The following TAFA1 variants were observed in gnomAD, a reference collection of about 807,000 sequenced individuals.
The protein encoded by TAFA1 is chemokine-like protein TAFA-1.
In TAFA1, 4 loss-of-function variants were observed where a neutral mutation model predicts 18.5. That is an observed-to-expected ratio of 0.22 (90% CI 0.11 to 0.49). TAFA1 has a LOEUF of 0.49. Among genes scored for constraint, TAFA1 ranks in the 20% least tolerant of loss-of-function variants. The probability of loss-of-function intolerance (pLI) is 0.98; values close to 1 mark genes in which losing one functional copy is unlikely to be tolerated. For missense variants in TAFA1, 147 were observed against 169.0 expected (o/e 0.87, Z 0.72); for synonymous variants, 56 against 55.2 (o/e 1.01, Z -0.06).
intron 3 of TAFA1, among the ~76,000 whole-genome samples, chr3:68,530,687 A>AT (rs1230377293): frequency 2.0e-5 from 3 of 152,144 alleles, no homozygotes; most frequent in Non-Finnish European, 4.4e-5. Flanking sequence ...CAAGTTTCTC[A>AT]TGGCTTCGAA....
intron 2 of TAFA1, among the ~76,000 whole-genome samples, chr3:68,406,207 C>T (rs775452525): frequency 3.9e-5 from 6 of 151,918 alleles, no homozygotes; most frequent in Non-Finnish European, 8.8e-5. Context: ...TTAGTATAGC[C>T]AGAGGAGTTA....
At chr3:68,542,311 A>G (rs1055016940) in intron 4 of TAFA1, among the ~76,000 whole-genome samples, 9 of 152,116 alleles carry the variant, frequency 5.9e-5, no homozygotes, top group African/African-American at 2.2e-4. Flanking sequence ...CGTCTGCTTG[A>G]TCATTGCTTC....
chr3:68,267,616 T>A (rs929642063), intron 2 of TAFA1, among the ~76,000 whole-genome samples: 3 of 152,156 alleles, frequency 2.0e-5, no homozygotes, highest in African/African-American at 7.2e-5. Flanking sequence ...CTGATTATGT[T>A]GATATTTCTC....
chr3:68,480,168 G>A (rs567316300), intron 3 of TAFA1, among the ~76,000 whole-genome samples: 1 of 151,442 alleles, frequency 6.6e-6, no homozygotes, highest in Non-Finnish European at 1.5e-5. Context: ...CAGGGCAGGT[G>A]GATCACAAGG....
the TAFA1 span, among the ~76,000 whole-genome samples, chr3:67,993,446 G>A: frequency 6.6e-6 from 1 of 152,228 alleles, no homozygotes; most frequent in East Asian, 1.9e-4. Flanking sequence ...CCAATGATCT[G>A]GGAAAACTTA....
At chr3:68,413,504 T>G (rs897279976) in intron 2 of TAFA1, among the ~76,000 whole-genome samples, 1 of 152,192 alleles carries the variant, frequency 6.6e-6, no homozygotes, top group Non-Finnish European at 1.5e-5. Flanking sequence ...GCTGTAAGTC[T>G]GTATCATCTC....
intron 3 of TAFA1, among the ~76,000 whole-genome samples, chr3:68,422,707 T>C (rs1210040426): frequency 6.6e-6 from 1 of 152,080 alleles, no homozygotes; most frequent in African/African-American, 2.4e-5. Context: ...TTTCTAATAA[T>C]TGAAAACACC....
intron 2 of TAFA1, among the ~76,000 whole-genome samples, chr3:68,288,857 G>C (rs2068062717): frequency 6.6e-6 from 1 of 152,072 alleles, no homozygotes; most frequent in Non-Finnish European, 1.5e-5. Flanking sequence ...CTAGCCTGTA[G>C]GGAGAAAAAA....
chr3:68,225,117 C>T (rs2066781387), intron 2 of TAFA1, among the ~76,000 whole-genome samples: 1 of 151,664 alleles, frequency 6.6e-6, no homozygotes, highest in Non-Finnish European at 1.5e-5. Flanking sequence ...ACCATGTTGG[C>T]CAGGCTGGTC....
Position 68,261,283 on chromosome 3 carries a change from G to T in TAFA1, c.119-155997G>T, listed in dbSNP as rs140094787. On this transcript the variant is annotated intron_variant, in intron 2 of 4. Coordinates refer to ENST00000478136, the MANE Select transcript of TAFA1 (RefSeq NM_213609.4). ...GGAAAAAACAGGTGCTGGAGAGGATGTGGAGAATTAGGAACACTTTGACAC... is the reference window on the plus strand; with the variant it reads ...GGAAAAAACAGGTGCTGGAGAGGATTTGGAGAATTAGGAACACTTTGACAC... 3.2e-3 allele frequency among the ~76,000 whole-genome samples: 482 copies of T among 152,292 alleles called. 2 individuals are homozygous for T. The highest frequency in any genetic ancestry group is 0.011 in the African/African-American group (449 of 41,562).
chr3:68,528,875 A>G (rs1317027156), intron 3 of TAFA1, among the ~76,000 whole-genome samples: 1 of 152,142 alleles, frequency 6.6e-6, no homozygotes, highest in Non-Finnish European at 1.5e-5. Flanking sequence ...TTTATTCTTT[A>G]GAGTAATAAA....
intron 2 of TAFA1, among the ~76,000 whole-genome samples, chr3:68,041,267 A>G (rs1705159251): frequency 6.6e-6 from 1 of 152,238 alleles, no homozygotes; most frequent in Non-Finnish European, 1.5e-5. Context: ...TCCTTCTTGC[A>G]TGTAAAATGA....
chr3:68,164,150 C>T (rs2065955641), intron 2 of TAFA1, among the ~76,000 whole-genome samples: 2 of 152,210 alleles, frequency 1.3e-5, no homozygotes, highest in Non-Finnish European at 2.9e-5. Context: ...TGCCATTCTG[C>T]AGTTCACTGC....
chr3:68,154,635 C>T (rs1305970107), intron 2 of TAFA1, among the ~76,000 whole-genome samples: 1 of 152,158 alleles, frequency 6.6e-6, no homozygotes, highest in African/African-American at 2.4e-5. Flanking sequence ...TTAGAGAAGC[C>T]ATATAGCCAT....
chr3:68,455,160 A>T (rs1223176174), intron 3 of TAFA1, among the ~76,000 whole-genome samples: 1 of 152,138 alleles, frequency 6.6e-6, no homozygotes, highest in Non-Finnish European at 1.5e-5. Context: ...GTGGAAATGG[A>T]TCATCATAAA....
chr3:68,006,635 G>C lies in TAFA1; in HGVS notation c.9G>C (p.Met3Ile). MAMVSAMSWVLYL... is the reference protein window; with the variant it reads MAIVSAMSWVLYL... ...AATGTTCTCTTTAGAGAATGGCAAT[G>C]GTCTCTGCGATGTCCTGGGTCCTGT... The change falls in exon 2 of 5, where the codon ATG becomes ATC. Residue 3 changes from methionine (M) to isoleucine (I), a missense_variant. Met to Ile is a conservative substitution (Grantham distance 10). Transcript: ENST00000478136. 6.2e-7 allele frequency: 1 copy of C among 1,612,532 alleles called. No homozygotes were observed. The highest frequency in any genetic ancestry group is 1.7e-4 in the Middle Eastern group (1 of 6,060).
intron 2 of TAFA1, among the ~76,000 whole-genome samples, chr3:68,321,270 T>C (rs1378652686): frequency 1.3e-5 from 2 of 152,172 alleles, no homozygotes; most frequent in Non-Finnish European, 2.9e-5. Flanking sequence ...TTATTACCCC[T>C]CTTGGTCATG....
chr3:68,106,717 T>G (rs1328943715), intron 2 of TAFA1, among the ~76,000 whole-genome samples: 1 of 152,014 alleles, frequency 6.6e-6, no homozygotes, highest in African/African-American at 2.4e-5. Context: ...TATTCAGAAT[T>G]TACAAAACAT....
intron 2 of TAFA1, among the ~76,000 whole-genome samples, chr3:68,329,239 T>TTTTTA (rs1366688929): frequency 6.9e-6 from 1 of 144,482 alleles, no homozygotes; most frequent in Non-Finnish European, 1.5e-5. Context: ...TTTTTTTTTT[T>TTTTTA]GTATTTTTAG....
Sources: gnomAD v4.1 joint callset for allele counts (sites outside exome capture counted in the v4.1 genomes callset) on GRCh38, gnomAD v4.1.1 for gene constraint, MANE v1.5 for transcripts, NCBI Gene and HGNC (gene_info 2026-07-23, HGNC 2026-07-21) for gene names.